C12orf43: variants seen among roughly 807,000 people sequenced by gnomAD.
C12orf43 encodes the protein chromosome 12 open reading frame 43.
C12orf43 carries 15 observed loss-of-function variants against 20.6 expected under a neutral mutation model. That is an observed-to-expected ratio of 0.73 (90% CI 0.49 to 1.12). The LOEUF is 1.12. C12orf43 is among the 50% of genes most tolerant of loss of function. The probability of loss-of-function intolerance (pLI) is 0.00; values close to 1 mark genes in which losing one functional copy is unlikely to be tolerated. For synonymous variants in C12orf43, 144 were observed against 130.8 expected, an observed-to-expected ratio of 1.10 and a Z score of -0.69; for missense variants, 334 against 344.4, an observed-to-expected ratio of 0.97 and a Z score of 0.24.
chr12:121,013,124 G>C (rs1190656374), intron 1 of C12orf43, among the ~76,000 whole-genome samples: 2 of 152,186 alleles, frequency 1.3e-5, no homozygotes, highest in Non-Finnish European at 2.9e-5. Flanking sequence ...CTAGTACCTT[G>C]TGGTCTGTGT....
At position 121,001,197 on chromosome 12, in the gene C12orf43, G is replaced by T. The variant is rs112986697; in HGVS notation, c.*2956C>A. 5 of 1,613,844 alleles carry T rather than the reference G, an allele frequency of 3.1e-6. No homozygotes were observed. Among genetic ancestry groups the T allele is most frequent in the South Asian group, 1.1e-5 (1 of 91,056 alleles). ...ATGGCCTCTTCCTCCCAGTAACCAC[G>T]GCACCTGGGCCCTGGGGCCTGTACT... On this transcript the variant is annotated 3_prime_UTR_variant, in exon 6 of 6. Coordinates refer to ENST00000288757, the MANE Select transcript of C12orf43 (RefSeq NM_022895.3).
In C12orf43 at chr12:121,004,432, G is replaced by A; in HGVS notation, c.510C>T (p.Asp170=). The A allele has an allele frequency of 2.5e-6, 4 of 1,613,272 alleles. No individual in the cohort carries two copies. Among genetic ancestry groups the A allele is most frequent in the Non-Finnish European group, 3.4e-6 (4 of 1,179,810 alleles). The part of the protein sequence containing the change: ...RCREAAVSAS[D]ILQESAIHSP... The stretch of plus-strand genomic sequence containing the variant: ...TGTGGATGGCTGACTCCTGTAGGAT[G>A]TCGGACGCCGACACAGCTGCCTCCC... The change falls in exon 6 of 6, where the codon GAC becomes GAT. Residue 170 remains aspartate, a synonymous_variant. Transcript: ENST00000288757. The surrounding 1 kb of genome is among the most constrained non-coding windows in gnomAD (Gnocchi z 5.6).
chr12:121,010,709 T>G, intron 3 of C12orf43, 119 bp downstream of exon 3: 2 of 588,844 alleles, frequency 3.4e-6, no homozygotes, highest in Non-Finnish European at 5.5e-6. Flanking sequence ...TGCAGGGAGA[T>G]GACATATGCC....
rs912208103 is a variant in C12orf43, at chr12:121,004,818, T to C, written c.452+185A>G. ...GCCCAAGACAGGTGCTCAAAAGCAG[T>C]AAACATCCAAAGCTGCCGCCAAGAG... On this transcript the variant is annotated intron_variant, in intron 5 of 5. Coordinates refer to ENST00000288757, the MANE Select transcript of C12orf43 (RefSeq NM_022895.3). The surrounding 1 kb of genome is among the most constrained non-coding windows in gnomAD (Gnocchi z 5.6). Among the ~76,000 whole-genome samples the C allele has an allele frequency of 1.3e-5, 2 of 152,024 alleles. No homozygotes were observed. Among genetic ancestry groups the C allele is most frequent in the African/African-American group, 2.4e-5 (1 of 41,360 alleles).
Position 121,001,300 on chromosome 12 carries a change from C to A in C12orf43, c.*2853G>T. The A allele has an allele frequency of 7.4e-7, 1 of 1,356,780 alleles. No individual in the cohort carries two copies. Among genetic ancestry groups the A allele is most frequent in the Non-Finnish European group, 1.0e-6 (1 of 976,678 alleles). The allele number at this position is 1,356,780 out of a possible 1,614,324, so 84.0% of individuals were successfully genotyped here. On this transcript the variant is annotated 3_prime_UTR_variant, in exon 6 of 6. Coordinates refer to ENST00000288757, the MANE Select transcript of C12orf43 (RefSeq NM_022895.3). ...GCCTGCCGAGCAACCGTGGCCCTTC[C>A]TGGACAGCTGTGCCTCGCTCCCCAC... is the stretch of plus-strand genomic sequence containing the variant.
Position 121,005,497 on chromosome 12 carries a change from A to G in C12orf43, c.362-404T>C, listed in dbSNP as rs1007128913. 5.9e-5 allele frequency among the ~76,000 whole-genome samples: 9 copies of G among 152,316 alleles called. No individual in the cohort carries two copies. Among genetic ancestry groups the G allele is most frequent in the South Asian group, 2.1e-4 (1 of 4,828 alleles). ...GGTCATGCTGATGCCTGATGGAGCC[A>G]GTGGAGGGCGCGCTGGAGCAGGAGC... On this transcript the variant is annotated intron_variant, in intron 4 of 5. Coordinates refer to ENST00000288757, the MANE Select transcript of C12orf43 (RefSeq NM_022895.3). This position sits in a 1 kb window ranked among gnomAD's most constrained non-coding sequence, Gnocchi z 5.6.
rs143450063 is a variant in C12orf43, at chr12:121,011,112, C to G, written c.180G>C (p.Pro60=). 6.2e-7 allele frequency: 1 copy of G among 1,613,852 alleles called. No individual in the cohort carries two copies. The highest frequency in any genetic ancestry group is 1.1e-5 in the South Asian group (1 of 91,072). ...CCCAAAGTGCATAGTACCTGAGGCT[C>G]GGTTGGGAGGTTGACAACTGGCTAT... ...AANSQLSTSQ[P]SLRHKVNEHE... Residue 60 remains proline (P), a synonymous_variant, in exon 2 of 6, where the codon CCG becomes CCC. Transcript: ENST00000288757.
chr12:121,006,344 T>TGTACCTTA lies in C12orf43; in HGVS notation c.330_337dup (p.Gln113LeufsTer84). 6.2e-7 allele frequency: 1 copy of TGTACCTTA among 1,614,204 alleles called. No homozygotes were observed. The highest frequency in any genetic ancestry group is 8.5e-7 in the Non-Finnish European group (1 of 1,179,984). On this transcript the variant is annotated frameshift_variant, in exon 4 of 6. Transcript: ENST00000288757. LOFTEE classifies it high-confidence loss of function. ...ACCATCATCCTCCAAAGCGACTTTC[T>TGTACCTTA]GTACCTTAGCTTTTGCTGGCTCCTT...
In C12orf43 at chr12:121,006,305, A is replaced by C; in HGVS notation, c.361+16T>G. 1 of 1,605,584 alleles carries C rather than the reference A, an allele frequency of 6.2e-7. No individual in the cohort carries two copies. Among genetic ancestry groups the C allele is most frequent in the Non-Finnish European group, 8.5e-7 (1 of 1,172,346 alleles). On this transcript the variant is annotated intron_variant, in intron 4 of 5. Transcript: ENST00000288757. ...TGCTTAATAAATGATAGCTTCTATT[A>C]AGTATAACCACTCACCATCATCCTC...
rs1359542318 is a variant in C12orf43, at chr12:121,011,093, G to A, written c.188+11C>T. The A allele has an allele frequency of 1.2e-6, 2 of 1,613,770 alleles. No homozygotes were observed. Among genetic ancestry groups the A allele is most frequent in the East Asian group, 2.2e-5 (1 of 44,884 alleles). ...TGAATAAGTGAAACTTGAACCCAAA[G>A]TGCATAGTACCTGAGGCTCGGTTGG... On this transcript the variant is annotated intron_variant, in intron 2 of 5. Transcript: ENST00000288757.
At position 121,005,021 on chromosome 12, in the gene C12orf43, C is replaced by T. The variant is rs376568235; in HGVS notation, c.434G>A (p.Arg145Gln). Residue 145 changes from arginine to glutamine, a missense_variant, in exon 5 of 6, where the codon CGA becomes CAA. Arg to Gln is a conservative substitution (Grantham distance 43). Transcript: ENST00000288757. This position sits in a 1 kb window ranked among gnomAD's most constrained non-coding sequence, Gnocchi z 5.6. ...KEESPQPRRK[R>Q]QPSSSSEDSD... is the part of the protein sequence containing the mutation. The stretch of plus-strand genomic sequence containing the variant: ...TTCTCACCTGGAGCTGGAGGGCTGT[C>T]GCTTTCGGCGGGGTTGGGGAGACTC... 23 of 1,537,512 alleles carry T rather than the reference C, an allele frequency of 1.5e-5. No individual in the cohort carries two copies. The highest frequency in any genetic ancestry group is 1.6e-5 in the Non-Finnish European group (18 of 1,142,742).
intron 1 of C12orf43, chr12:121,012,724 C>T (rs922528379): frequency 2.7e-5 from 10 of 371,874 alleles, no homozygotes; most frequent in South Asian, 4.9e-5. Context: ...TGGTGGTGCA[C>T]ACCTGTAGTC....
At position 121,002,179 on chromosome 12, in the gene C12orf43, A is replaced by C; in HGVS notation, c.*1974T>G. 1 of 478,224 alleles carries C rather than the reference A, an allele frequency of 2.1e-6. No individual in the cohort carries two copies. Among genetic ancestry groups the C allele is most frequent in the Non-Finnish European group, 4.0e-6 (1 of 249,366 alleles). 29.6% of individuals were successfully genotyped at this position (478,224 alleles called of 1,614,324 possible). ...AGCTGAGGTGCCCAGGAGAAGAAAG[A>C]GGTGACCCCAGGGCACAGGAGCTAC... is the stretch of plus-strand genomic sequence containing the variant. On this transcript the variant is annotated 3_prime_UTR_variant, in exon 6 of 6. Transcript: ENST00000288757.
intron 1 of C12orf43, 29 bp downstream of exon 1, chr12:121,016,301 A>G (rs1039564034): frequency 1.9e-6 from 3 of 1,612,796 alleles, no homozygotes; most frequent in Non-Finnish European, 2.5e-6. Flanking sequence ...CACGCCCCTC[A>G]GCCAGTCTCC....
At chr12:121,007,170 T>A (rs1395429661) in intron 3 of C12orf43, 2 of 152,152 alleles carry the variant, frequency 1.3e-5, no homozygotes, top group Admixed American at 6.5e-5. Flanking sequence ...GACCTGTTTT[T>A]AAATTTTTTT....
At chr12:121,008,981 C>T (rs780404281) in intron 3 of C12orf43, among the ~76,000 whole-genome samples, 1 of 152,250 alleles carries the variant, frequency 6.6e-6, no homozygotes, top group Admixed American at 6.5e-5. Context: ...CAGGAATTCT[C>T]AGAGCCTTGA....
intron 3 of C12orf43, among the ~76,000 whole-genome samples, chr12:121,010,125 A>G (rs955643671): frequency 5.3e-5 from 8 of 152,196 alleles, no homozygotes; most frequent in Non-Finnish European, 1.0e-4. Context: ...AACACGGTGA[A>G]ACCCCGTCTC....
At chr12:121,014,016 A>G (rs1592923144) in intron 1 of C12orf43, among the ~76,000 whole-genome samples, 2 of 152,206 alleles carry the variant, frequency 1.3e-5, no homozygotes, top group East Asian at 3.8e-4. Flanking sequence ...CCTGGTGGCT[A>G]TTACTAGACG....
intron 1 of C12orf43, among the ~76,000 whole-genome samples, chr12:121,015,365 G>T (rs1233271881): frequency 6.6e-6 from 1 of 152,226 alleles, no homozygotes; most frequent in East Asian, 1.9e-4. Context: ...GGGCTTGTAA[G>T]TCCTTTTAAA....
Sources: allele counts gnomAD v4.1 joint callset (sites outside exome capture counted in the v4.1 genomes callset), GRCh38; gene constraint gnomAD v4.1.1; non-coding constraint Gnocchi (gnomAD v3.1); transcripts MANE v1.5; gene names NCBI Gene and HGNC (gene_info 2026-07-23, HGNC 2026-07-21).